PSG11: variants seen among roughly 807,000 people sequenced by gnomAD.
PSG11 encodes pregnancy specific beta-1-glycoprotein 11, also known as pregnancy-specific beta-1-glycoprotein 11.
Under a neutral mutation model 36.0 loss-of-function variants are expected in PSG11, and 42 were observed. The observed-to-expected ratio is 1.17, with a 90% confidence interval of 0.91 to 1.51. The LOEUF (loss-of-function observed/expected upper bound fraction) is 1.51. PSG11 is among the 40% of genes most tolerant of loss of function. The probability of loss-of-function intolerance (pLI) is 0.00; values close to 1 mark genes in which losing one functional copy is unlikely to be tolerated. For missense variants in PSG11, 558 were observed against 403.5 expected (o/e 1.38, Z -3.28); for synonymous variants, 206 against 153.5 (o/e 1.34, Z -2.53).
chr19:43,018,981 G>T lies in PSG11; in HGVS notation c.498C>A (p.Ile166=). The change falls in exon 3 of 6, where the codon ATC becomes ATA. Residue 166 remains isoleucine (I), a synonymous_variant. Transcript: ENST00000320078. ...LNPREAMETV[I]LTCNPETPDA... is the part of the protein sequence containing the mutation. The stretch of plus-strand genomic sequence containing the variant: ...CCGGAGTCTCAGGATTACAGGTTAA[G>T]ATCACAGTCTCCATGGCCTCCCTGG... 6.2e-7 allele frequency: 1 copy of T among 1,612,140 alleles called. No homozygotes were observed. Among genetic ancestry groups the T allele is most frequent in the South Asian group, 1.1e-5 (1 of 90,834 alleles).
At chr19:43,023,290 T>G (rs1161033933) in intron 2 of PSG11, among the ~76,000 whole-genome samples, 1 of 150,798 alleles carries the variant, frequency 6.6e-6, no homozygotes, top group African/African-American at 2.5e-5. Flanking sequence ...TTTTGGATCA[T>G]TCATTTCTTC....
intron 4 of PSG11, chr19:43,014,851 C>G: frequency 1.5e-6 from 2 of 1,340,268 alleles, no homozygotes; most frequent in Non-Finnish European, 2.0e-6. Context: ...CTCTGTGAAG[C>G]CTCTTCTACC....
chr19:43,019,086 A>T, intron 2 of PSG11, 38 bp from the exon 3 acceptor site: 1 of 1,594,988 alleles, frequency 6.3e-7, no homozygotes, highest in Non-Finnish European at 8.5e-7. Context: ...CCTGTGTGGC[A>T]CCTTTGATTC....
intron 4 of PSG11, among the ~76,000 whole-genome samples, chr19:43,012,473 A>G (rs1284768306): frequency 6.6e-6 from 1 of 151,488 alleles, no homozygotes; most frequent in Non-Finnish European, 1.5e-5. Context: ...ACATTCAAAC[A>G]TCAGTTGTAT....
In PSG11 at chr19:43,015,283, T is replaced by A. The variant is rs1218946780; in HGVS notation, c.797A>T (p.Asn266Ile). The A allele has an allele frequency of 6.2e-7, 1 of 1,611,030 alleles. No individual in the cohort carries two copies. Among genetic ancestry groups the A allele is most frequent in the African/African-American group, 1.3e-5 (1 of 74,344 alleles). Residue 266 changes from asparagine (N) to isoleucine (I), a missense_variant, in exon 4 of 6, where the codon AAC becomes ATC. Physicochemically the swap from Asn to Ile is moderately radical, Grantham distance 149. Transcript: ENST00000320078. ...NLDLSCFANS[N>I]PPAQYSWTIN... ...TGTCCAAGAATACTGTGCTGGTGGGTTAGAGTTTGCGAAGCAGGACAAGTC... is the reference window on the plus strand; with the variant it reads ...TGTCCAAGAATACTGTGCTGGTGGGATAGAGTTTGCGAAGCAGGACAAGTC...
rs1471597339 is a variant in PSG11 at position 43,014,722 on chromosome 19, A to G, written c.964+394T>C. 1.5e-5 allele frequency: 18 copies of G among 1,203,198 alleles called. No individual in the cohort carries two copies. In the South Asian group the frequency reaches 5.4e-4, roughly 36 times the overall value. 74.5% of individuals were successfully genotyped at this position (1,203,198 alleles called of 1,614,324 possible). A position where few individuals can be genotyped will look rare whatever the true frequency, so the allele number is the denominator to read the frequency against. On this transcript the variant is annotated intron_variant, in intron 4 of 5. Coordinates refer to ENST00000320078, the MANE Select transcript of PSG11 (RefSeq NM_002785.3). ...GGGGGAAAAGTGTGAGCTTGTTTCA[A>G]AGCCTCAGATGTTCCTTGTAGTTCA... is the stretch of plus-strand genomic sequence containing the variant.
rs773268667 is a variant in PSG11, at chr19:43,015,115, C to G, written c.964+1G>C. ...TGCCAAGGATGCTGGGATCCACTTA[C>G]CAATGACTCTGATTGTCAAGGATGT... On this transcript the variant is annotated splice_donor_variant, in intron 4 of 5. Coordinates refer to ENST00000320078, the MANE Select transcript of PSG11 (RefSeq NM_002785.3). LOFTEE classifies it high-confidence loss of function. 2 of 1,611,950 alleles carry G rather than the reference C, an allele frequency of 1.2e-6. No individual in the cohort carries two copies. The highest frequency in any genetic ancestry group is 1.7e-6 in the Non-Finnish European group (2 of 1,178,944).
At chr19:43,022,403 C>G (rs550142585) in intron 2 of PSG11, among the ~76,000 whole-genome samples, 1 of 151,334 alleles carries the variant, frequency 6.6e-6, no homozygotes, top group South Asian at 2.1e-4. Context: ...TCATTTCCCT[C>G]CGCCCGCATG....
At position 43,019,275 on chromosome 19, in the gene PSG11, G is replaced by A. The variant is rs1967045512; in HGVS notation, c.431-227C>T. On this transcript the variant is annotated intron_variant, in intron 2 of 5. Transcript: ENST00000320078. ...GCACAGACTTTCTCAGGTGTGAATT[G>A]AGCAGCAGCATTGGGTCATGGAAAG... is the stretch of plus-strand genomic sequence containing the variant. 3.0e-6 allele frequency: 3 copies of A among 984,512 alleles called. No individual in the cohort carries two copies. In the African/African-American group the frequency reaches 5.0e-5, roughly 16 times the overall value. 61.0% of individuals were successfully genotyped at this position (984,512 alleles called of 1,614,324 possible). A position where few individuals can be genotyped will look rare whatever the true frequency, so the allele number is the denominator to read the frequency against.
intron 3 of PSG11, chr19:43,015,782 T>C (rs746388698): frequency 6.2e-7 from 1 of 1,609,996 alleles, no homozygotes; most frequent in East Asian, 2.2e-5. Flanking sequence ...ACATTCAGGG[T>C]GACTGAGTCA....
rs867257300 is a variant in PSG11, at chr19:43,025,124, A to G, written c.65-68T>C. 4.6e-4 allele frequency: 710 copies of G among 1,545,156 alleles called. 14 individuals are homozygous for G. Among genetic ancestry groups the G allele is most frequent in the Middle Eastern group, 1.8e-3 (10 of 5,496 alleles). ...ATTGGGGTGAAAAGATGGGGCCCTGAGTCCTGAGAAGGTCTCTTCAATCCT... is the reference window on the plus strand; with the variant it reads ...ATTGGGGTGAAAAGATGGGGCCCTGGGTCCTGAGAAGGTCTCTTCAATCCT... On this transcript the variant is annotated intron_variant, in intron 1 of 5. Transcript: ENST00000320078.
chr19:43,017,758 T>C (rs1232369319), intron 3 of PSG11, among the ~76,000 whole-genome samples: 1 of 151,556 alleles, frequency 6.6e-6, no homozygotes, highest in Non-Finnish European at 1.5e-5. Context: ...TGTCTTTCCA[T>C]ATAATGATAT....
chr19:43,022,608 T>TG (rs1967128725), intron 2 of PSG11, among the ~76,000 whole-genome samples: 3 of 151,136 alleles, frequency 2.0e-5, no homozygotes, highest in South Asian at 2.1e-4. Context: ...ATTTGTGTGT[T>TG]TGTGTGTGTG....
intron 3 of PSG11, chr19:43,017,468 G>T (rs953272856): frequency 1.3e-5 from 2 of 151,188 alleles, no homozygotes; most frequent in African/African-American, 2.4e-5. Context: ...TGGCCATGCT[G>T]CACTCATATA....
intron 3 of PSG11, among the ~76,000 whole-genome samples, chr19:43,018,034 C>T (rs1382880672): frequency 9.3e-5 from 14 of 151,096 alleles, no homozygotes; most frequent in Non-Finnish European, 1.9e-4. Flanking sequence ...TCTCCCTTTG[C>T]AGAGGGCAGG....
Position 43,008,016 on chromosome 19 carries a change from C to G in PSG11, c.*67G>C. ...TATCAGGAACTTGTATTCAAGAGTC[C>G]TTTTCATAGTCTTTTCCATAAATCT... On this transcript the variant is annotated 3_prime_UTR_variant, in exon 6 of 6. Transcript: ENST00000320078. 2.5e-6 allele frequency: 1 copy of G among 399,360 alleles called. No individual in the cohort carries two copies. Among genetic ancestry groups the G allele is most frequent in the Non-Finnish European group, 4.6e-6 (1 of 216,046 alleles). The allele number at this position is 399,360 out of a possible 1,614,324, so 24.7% of individuals were successfully genotyped here.
chr19:43,025,916 C>CTTTTTTTTTTTTTTTTTTTCTTT (rs747657112), intron 1 of PSG11, among the ~76,000 whole-genome samples: 1 of 62,000 alleles, frequency 1.6e-5, no homozygotes, highest in African/African-American at 6.3e-5. Context: ...GCCTTCTTTC[C>CTTTTTTTTTTTTTTTTTTTCTTT]TTTTTTTTTT....
chr19:43,019,867 A>C (rs1470095313), intron 2 of PSG11, among the ~76,000 whole-genome samples: 1 of 151,568 alleles, frequency 6.6e-6, no homozygotes, highest in Admixed American at 6.6e-5. Context: ...GCAAATGCAG[A>C]ACTGACTGGT....
intron 3 of PSG11, chr19:43,017,459 G>A (rs1966995729): frequency 6.6e-6 from 1 of 151,158 alleles, no homozygotes; most frequent in Non-Finnish European, 1.5e-5. Flanking sequence ...ATTCCATACT[G>A]GCCATGCTGC....
Sources: allele counts gnomAD v4.1 joint callset (sites outside exome capture counted in the v4.1 genomes callset), GRCh38; gene constraint gnomAD v4.1.1; transcripts MANE v1.5; gene names NCBI Gene and HGNC (gene_info 2026-07-23, HGNC 2026-07-21).